The following EDRF1 variants were observed in gnomAD, a reference collection of about 807,000 sequenced individuals.
The protein encoded by EDRF1 is erythroid differentiation regulatory factor 1.
A neutral mutation model predicts 148.7 loss-of-function variants in EDRF1; 69 were observed. That is an observed-to-expected ratio of 0.46 (90% CI 0.38 to 0.57). The LOEUF (loss-of-function observed/expected upper bound fraction) is 0.57. Ranked by LOEUF, EDRF1 falls within the 20% of genes least tolerant of loss-of-function variation. The pLI, the probability that EDRF1 is intolerant of heterozygous loss-of-function variation, is 0.00. For synonymous variants in EDRF1, 515 were observed against 532.8 expected (o/e 0.97, Z 0.46); for missense variants, 1,118 against 1,478.7 (o/e 0.76, Z 4.00).
chr10:125,745,985 A>T, intron 19 of EDRF1, 55 bp downstream of exon 19: 2 of 1,554,388 alleles, frequency 1.3e-6, no homozygotes, highest in Non-Finnish European at 1.8e-6. Flanking sequence ...TCATTTATTT[A>T]CATTTTGCCA....
Position 125,742,214 on chromosome 10 carries a change from T to G in EDRF1, c.2372-844T>G, listed in dbSNP as rs1375827638. ...CTTAATATGTCACTCTGTTTGGAAT[T>G]GTCAGGCTTTAAAACTGGGAAGTAG... On this transcript the variant is annotated intron_variant, in intron 17 of 24. Coordinates refer to ENST00000356792, the MANE Select transcript of EDRF1 (RefSeq NM_001202438.2). 3.1e-6 allele frequency: 4 copies of G among 1,289,020 alleles called. No individual in the cohort carries two copies. In the African/African-American group the frequency reaches 6.1e-5, roughly 20 times the overall value. 79.8% of individuals were successfully genotyped at this position (1,289,020 alleles called of 1,614,324 possible).
At position 125,725,787 on chromosome 10, in the gene EDRF1, T is replaced by A; in HGVS notation, c.741T>A (p.Ala247=). The A allele has an allele frequency of 6.2e-7, 1 of 1,614,062 alleles. No homozygotes were observed. Among genetic ancestry groups the A allele is most frequent in the Non-Finnish European group, 8.5e-7 (1 of 1,180,006 alleles). ...ATTCGGAAGGGGCTTCATGGCCTGC[T>A]CCCTTCGAAATGCCTTCTTCAGTTT... ...TNDSEGASWP[A]PFEMPSSVSE... is the part of the protein sequence containing the mutation. The change falls in exon 6 of 25, where the codon GCT becomes GCA. Residue 247 remains alanine, a synonymous_variant. Transcript: ENST00000356792.
In EDRF1 at chr10:125,753,804, T is replaced by G. The variant is rs945768188; in HGVS notation, c.3504T>G (p.Leu1168=). ...IFESRLSFLL[L]QSIKLLSSTK... The stretch of plus-strand genomic sequence containing the variant: ...AGTCTCGGTTGTCATTTCTTCTCCT[T>G]CAGTCCATTAAACTGCTATCTTCAA... The change falls in exon 24 of 25, where the codon CTT becomes CTG. Residue 1168 remains leucine (L), a synonymous_variant. Transcript: ENST00000356792. The G allele has an allele frequency of 6.2e-7, 1 of 1,613,544 alleles. No homozygotes were observed. Among genetic ancestry groups the G allele is most frequent in the African/African-American group, 1.3e-5 (1 of 74,906 alleles).
At chr10:125,721,633 G>C (rs981172184) in intron 2 of EDRF1, among the ~76,000 whole-genome samples, 3 of 152,134 alleles carry the variant, frequency 2.0e-5, no homozygotes, top group East Asian at 3.8e-4. Context: ...TTAAGTCTAC[G>C]TCATGTTATC....
chr10:125,763,835 A>G lies in EDRF1; in HGVS notation c.*363A>G, dbSNP rs1850296102. On this transcript the variant is annotated 3_prime_UTR_variant, in exon 25 of 25. Transcript: ENST00000356792. The surrounding 1 kb of genome is among the most constrained non-coding windows in gnomAD (Gnocchi z 4.3). ...TTTGGATAAAATGTTACTTTGGTCA[A>G]GAGAACTTTTATCCAGATGACATTA... The G allele has an allele frequency of 3.3e-6, 1 of 304,920 alleles. No homozygotes were observed. The highest frequency in any genetic ancestry group is 6.3e-6 in the Non-Finnish European group (1 of 158,722). The allele number at this position is 304,920 out of a possible 1,614,324, so 18.9% of individuals were successfully genotyped here.
intron 4 of EDRF1, among the ~76,000 whole-genome samples, chr10:125,724,452 AG>A (rs1191003453): frequency 6.6e-6 from 1 of 152,224 alleles, no homozygotes; most frequent in African/African-American, 2.4e-5. Context: ...CAAATACTTC[AG>A]TCACATGTAC....
intron 4 of EDRF1, among the ~76,000 whole-genome samples, chr10:125,724,303 A>G (rs1449934181): frequency 2.0e-5 from 3 of 152,260 alleles, no homozygotes; most frequent in Non-Finnish European, 4.4e-5. Flanking sequence ...AATGTGAAAA[A>G]TATTAGAAGC....
At chr10:125,740,044 A>G (rs1325541262) in intron 15 of EDRF1, among the ~76,000 whole-genome samples, 4 of 152,222 alleles carry the variant, frequency 2.6e-5, no homozygotes, top group Admixed American at 6.5e-5. Flanking sequence ...AGGATGGACA[A>G]GTAGGAAGTG....
chr10:125,720,370 G>A (rs891956120), intron 1 of EDRF1, among the ~76,000 whole-genome samples: 2 of 152,120 alleles, frequency 1.3e-5, no homozygotes, highest in African/African-American at 4.8e-5. Context: ...AACCCCCAAT[G>A]CCTTTCTATG....
Position 125,743,200 on chromosome 10 carries a change from G to T in EDRF1, c.2514G>T (p.Lys838Asn). The change falls in exon 18 of 25, where the codon AAG (lysine) becomes AAT (asparagine). Residue 838 changes from lysine (K) to asparagine (N), a missense_variant. Coordinates refer to ENST00000356792, the MANE Select transcript of EDRF1 (RefSeq NM_001202438.2). Reference protein sequence around the residue: ...QNPEHYVQVLKRMGNIRNEIG... With the variant: ...QNPEHYVQVLNRMGNIRNEIG... The stretch of plus-strand genomic sequence containing the variant: ...CAGAACACTATGTACAAGTATTAAA[G>T]AGAATGGGTAACATTAGAAATGAAA... The T allele has an allele frequency of 6.2e-7, 1 of 1,613,906 alleles. No individual in the cohort carries two copies. Among genetic ancestry groups the T allele is most frequent in the Non-Finnish European group, 8.5e-7 (1 of 1,179,904 alleles).
At chr10:125,736,878 G>A (rs1848763880) in intron 13 of EDRF1, among the ~76,000 whole-genome samples, 1 of 151,952 alleles carries the variant, frequency 6.6e-6, no homozygotes, top group South Asian at 2.1e-4. Context: ...TCTGGCCAAA[G>A]CATGCTCTAC....
intron 2 of EDRF1, 86 bp from the exon 3 acceptor site, chr10:125,722,982 C>A: frequency 9.5e-7 from 1 of 1,052,698 alleles, no homozygotes; most frequent in Non-Finnish European, 1.5e-6. Flanking sequence ...ATCCTAGAAG[C>A]AATGAGCTAC....
rs1849537833 is a variant in EDRF1, at chr10:125,749,508, T to C, written c.3220T>C (p.Cys1074Arg). 6.2e-7 allele frequency: 1 copy of C among 1,614,104 alleles called. No individual in the cohort carries two copies. The highest frequency in any genetic ancestry group is 1.3e-5 in the African/African-American group (1 of 74,952). Residue 1074 changes from cysteine to arginine, a missense_variant, in exon 22 of 25, where the codon TGC becomes CGC. Cys to Arg is a radical substitution (Grantham distance 180). Around this residue, in one of 3 missense-constraint regions of EDRF1, gnomAD observed 954 missense variants for 1,241.4 expected, o/e 0.77. Transcript: ENST00000356792. ...KLFQLLKDAP[C>R]ELLRVQLERV... ...GTTTCAGCTGCTGAAAGATGCTCCC[T>C]GCGAACTGCTTAGAGTACAGCTAGA...
chr10:125,751,374 C>T (rs899776638), intron 22 of EDRF1, among the ~76,000 whole-genome samples: 5 of 150,270 alleles, frequency 3.3e-5, no homozygotes, highest in Non-Finnish European at 7.4e-5. Context: ...TAGTTTGTGA[C>T]ACCTTTTATT....
intron 12 of EDRF1, among the ~76,000 whole-genome samples, chr10:125,734,899 G>A (rs1848654411): frequency 6.6e-6 from 1 of 152,130 alleles, no homozygotes; most frequent in African/African-American, 2.4e-5. Context: ...AAGAGCCAAA[G>A]TAATTTTAAT....
chr10:125,722,578 CT>C, intron 2 of EDRF1, among the ~76,000 whole-genome samples: 1 of 152,022 alleles, frequency 6.6e-6, no homozygotes, highest in East Asian at 1.9e-4. Context: ...TTTTAATTTC[CT>C]TTTGTGGCTG....
chr10:125,722,952 T>G, intron 2 of EDRF1, 116 bp from the exon 3 acceptor site: 1 of 934,652 alleles, frequency 1.1e-6, no homozygotes, highest in East Asian at 2.4e-5. Context: ...TTCAGAGTTG[T>G]TAAAATGTGG....
intron 13 of EDRF1, among the ~76,000 whole-genome samples, chr10:125,737,458 A>G (rs995166345): frequency 5.3e-5 from 8 of 152,298 alleles, no homozygotes; most frequent in Admixed American, 2.6e-4. Flanking sequence ...CTTCTGTGCA[A>G]TGAGAACAGT....
intron 6 of EDRF1, among the ~76,000 whole-genome samples, chr10:125,726,396 G>A (rs764685263): frequency 2.6e-5 from 4 of 152,144 alleles, no homozygotes; most frequent in Non-Finnish European, 5.9e-5. Flanking sequence ...TTAGAAAAGA[G>A]AATGAACTAG....
Sources: allele counts gnomAD v4.1 joint callset (sites outside exome capture counted in the v4.1 genomes callset), GRCh38; gene constraint gnomAD v4.1.1; regional missense constraint gnomAD v4.1.1; non-coding constraint Gnocchi (gnomAD v3.1); transcripts MANE v1.5; gene names NCBI Gene and HGNC (gene_info 2026-07-23, HGNC 2026-07-21).